CYP4F22: variants seen among roughly 807,000 people sequenced by gnomAD.
CYP4F22 encodes the protein cytochrome P450 family 4 subfamily F member 22, also known as ultra-long-chain fatty acid omega-hydroxylase.
A neutral mutation model predicts 60.4 loss-of-function variants in CYP4F22; 37 were observed. The ratio of observed to expected loss-of-function variants is 0.61; its 90% confidence interval spans 0.47 to 0.81. CYP4F22 has a LOEUF of 0.81. Among genes scored for constraint, CYP4F22 ranks in the 30% least tolerant of loss-of-function variants. The probability of loss-of-function intolerance (pLI) is 0.00; values close to 1 mark genes in which losing one functional copy is unlikely to be tolerated. For synonymous variants in CYP4F22, 258 were observed against 280.5 expected, an observed-to-expected ratio of 0.92 and a Z score of 0.80; for missense variants, 655 against 715.0, an observed-to-expected ratio of 0.92 and a Z score of 0.96.
intron 10 of CYP4F22, among the ~76,000 whole-genome samples, 189 bp downstream of exon 10, chr19:15,544,468 CAA>C: frequency 6.6e-6 from 1 of 152,190 alleles, no homozygotes; most frequent in Non-Finnish European, 1.5e-5. Flanking sequence ...CAGAAGTTCT[CAA>C]AGTGTCCTAG....
At chr19:15,512,459 C>T (rs1052785433) in intron 1 of CYP4F22, among the ~76,000 whole-genome samples, 2 of 152,162 alleles carry the variant, frequency 1.3e-5, no homozygotes, top group African/African-American at 4.8e-5. Context: ...GCATCCACCA[C>T]CATGCCCAGC....
At chr19:15,542,494 G>A (rs140261454) in intron 8 of CYP4F22, among the ~76,000 whole-genome samples, 3 of 152,272 alleles carry the variant, frequency 2.0e-5, no homozygotes, top group East Asian at 1.9e-4. Context: ...CCAAGATTGC[G>A]CCACTGCACT....
At chr19:15,548,661 C>G (rs868826188) in intron 11 of CYP4F22, among the ~76,000 whole-genome samples, 1 of 152,094 alleles carries the variant, frequency 6.6e-6, no homozygotes, top group Non-Finnish European at 1.5e-5. Context: ...AAGGGAGAGA[C>G]AGGGGCTGGA....
intron 10 of CYP4F22, 106 bp from the exon 11 acceptor site, chr19:15,548,002 A>AGCGT: frequency 1.1e-5 from 4 of 364,698 alleles, no homozygotes; most frequent in Non-Finnish European, 1.7e-5. Flanking sequence ...AGAGGGAGAG[A>AGCGT]GTGTGTGTGT....
At position 15,540,489 on chromosome 19, in the gene CYP4F22, C is replaced by T. The variant is rs146904240; in HGVS notation, c.711C>T (p.Ser237=). The T allele has an allele frequency of 7.6e-5, 123 of 1,614,152 alleles. No homozygotes were observed. Among genetic ancestry groups the T allele is most frequent in the Middle Eastern group, 3.3e-4 (2 of 6,062 alleles). Residue 237 remains serine, a synonymous_variant, in exon 8 of 14, where the codon AGC becomes AGT. Coordinates refer to ENST00000269703, the MANE Select transcript of CYP4F22 (RefSeq NM_173483.4). The part of the protein sequence containing the change: ...SDYISAIIEL[S]ALSVRRQYRL... ...ATATCTCCGCTATCATTGAACTGAG[C>T]GCTCTGTCTGTCCGGCGCCAGTATC...
chr19:15,530,818 G>A (rs908020484), intron 4 of CYP4F22, among the ~76,000 whole-genome samples: 4 of 151,972 alleles, frequency 2.6e-5, no homozygotes, highest in African/African-American at 7.3e-5. Context: ...CGGATCCCTC[G>A]CATGACACAT....
In CYP4F22 at chr19:15,518,004, C is replaced by T. The variant is rs568921212; in HGVS notation, c.-108-5689C>T. 4.6e-5 allele frequency among the ~76,000 whole-genome samples: 7 copies of T among 152,180 alleles called. No individual in the cohort carries two copies. The South Asian group carries it at 1.5e-3, about 32-fold the overall frequency. On this transcript the variant is annotated intron_variant, in intron 1 of 13. Coordinates refer to ENST00000269703, the MANE Select transcript of CYP4F22 (RefSeq NM_173483.4). Reference sequence around the variant, plus strand: ...TGGGAGACAGGGCTAGAGGCATCAACAGGGGTAAGCCATGTAGGTTGTTGT... The same window carrying T: ...TGGGAGACAGGGCTAGAGGCATCAATAGGGGTAAGCCATGTAGGTTGTTGT...
In CYP4F22 at chr19:15,521,883, G is replaced by A. The variant is rs993735575; in HGVS notation, c.-108-1810G>A. 1.1e-4 allele frequency among the ~76,000 whole-genome samples: 17 copies of A among 151,698 alleles called. No individual in the cohort carries two copies. In the East Asian group the frequency reaches 1.4e-3, roughly 12 times the overall value. ...CCAGTGGCCGGGCGTGGTGGCTCAC[G>A]CCTGTAATCCTAGCACTTTGGGAGG... On this transcript the variant is annotated intron_variant, in intron 1 of 13. Coordinates refer to ENST00000269703, the MANE Select transcript of CYP4F22 (RefSeq NM_173483.4).
intron 6 of CYP4F22, 58 bp downstream of exon 6, chr19:15,537,720 C>T (rs1477304269): frequency 1.2e-6 from 2 of 1,607,196 alleles, no homozygotes; most frequent in Non-Finnish European, 8.5e-7. Flanking sequence ...GGTCCAGGCT[C>T]CAACTCATGC....
intron 12 of CYP4F22, among the ~76,000 whole-genome samples, chr19:15,549,991 C>T (rs1484982360): frequency 1.3e-5 from 2 of 151,994 alleles, no homozygotes; most frequent in South Asian, 2.1e-4. Flanking sequence ...TGCAGTGGTG[C>T]GATCTTGGCT....
chr19:15,535,316 C>T (rs2144525076), intron 4 of CYP4F22, among the ~76,000 whole-genome samples: 1 of 152,326 alleles, frequency 6.6e-6, no homozygotes, highest in Admixed American at 6.5e-5. Context: ...ATCTGTGGGT[C>T]CCCAGCATCA....
rs368096029 is a variant in CYP4F22 at position 15,511,185 on chromosome 19, C to T, written c.-109+2602C>T. 9.9e-4 allele frequency among the ~76,000 whole-genome samples: 150 copies of T among 151,308 alleles called. 1 individual carries two copies. Among genetic ancestry groups the T allele is most frequent in the African/African-American group, 3.3e-3 (137 of 41,168 alleles). On this transcript the variant is annotated intron_variant, in intron 1 of 13. Transcript: ENST00000269703. ...TTCTCCATGTTGGTCAGGCTGGTCT[C>T]GAACTCCCGACCTCAGGTGATCCTC...
At chr19:15,546,827 C>T (rs1048807759) in intron 10 of CYP4F22, among the ~76,000 whole-genome samples, 1 of 151,730 alleles carries the variant, frequency 6.6e-6, no homozygotes, top group Non-Finnish European at 1.5e-5. Flanking sequence ...TAGCTCACTA[C>T]AGCCTCCTGA....
chr19:15,529,346 C>G (rs917971908), intron 3 of CYP4F22, among the ~76,000 whole-genome samples: 1 of 151,976 alleles, frequency 6.6e-6, no homozygotes, highest in African/African-American at 2.4e-5. Context: ...CCAGCCTGGT[C>G]TCGAACTCCT....
chr19:15,550,676 G>T lies in CYP4F22; in HGVS notation c.1338G>T (p.Val446=), dbSNP rs924591315. The T allele has an allele frequency of 1.2e-6, 2 of 1,614,056 alleles. No homozygotes were observed. Among genetic ancestry groups the T allele is most frequent in the Non-Finnish European group, 1.7e-6 (2 of 1,180,022 alleles). ...ATCTCCAGGCTGTTCCTCCCTAGGTGTACAACCCCTACCGCTTTGACCCGG... is the reference window on the plus strand; with the variant it reads ...ATCTCCAGGCTGTTCCTCCCTAGGTTTACAACCCCTACCGCTTTGACCCGG... ...HNPTVWPDSK[V]YNPYRFDPDN... is the part of the protein sequence containing the mutation. The change falls in exon 13 of 14, where the codon GTG becomes GTT. Residue 446 remains valine (V), a splice_region_variant and synonymous_variant. Transcript: ENST00000269703.
Position 15,548,139 on chromosome 19 carries a change from A to G in CYP4F22, c.1168A>G (p.Met390Val). The G allele has an allele frequency of 1.9e-6, 3 of 1,613,590 alleles. No homozygotes were observed. The highest frequency in any genetic ancestry group is 2.5e-6 in the Non-Finnish European group (3 of 1,179,962). The change falls in exon 11 of 14, where the codon ATG becomes GTG. Residue 390 changes from methionine (M) to valine (V), a missense_variant. Transcript: ENST00000269703. ...TCTGACTCAGCTGCCCTTTACAACT[A>G]TGTGCATTAAGGAGAGCCTGCGCCA... ...DDLTQLPFTT[M>V]CIKESLRQYP...
chr19:15,533,588 A>G (rs1347700258), intron 4 of CYP4F22, among the ~76,000 whole-genome samples: 1 of 115,980 alleles, frequency 8.6e-6, no homozygotes, highest in East Asian at 2.3e-4. Flanking sequence ...AATCAGTTTC[A>G]TTCTTTTTTT....
At chr19:15,547,017 A>ATT in intron 10 of CYP4F22, among the ~76,000 whole-genome samples, 1 of 36,256 alleles carries the variant, frequency 2.8e-5, no homozygotes, top group Non-Finnish European at 5.1e-5. Flanking sequence ...GGCCTGCACC[A>ATT]GTTTTTTTTT....
At chr19:15,517,754 T>C (rs1012781173) in intron 1 of CYP4F22, among the ~76,000 whole-genome samples, 5 of 152,136 alleles carry the variant, frequency 3.3e-5, no homozygotes, top group African/African-American at 1.2e-4. Flanking sequence ...CACTCAATGA[T>C]TCTTTGGAGA....
Sources: gnomAD v4.1 joint callset for allele counts (sites outside exome capture counted in the v4.1 genomes callset) on GRCh38, gnomAD v4.1.1 for gene constraint, MANE v1.5 for transcripts, NCBI Gene and HGNC (gene_info 2026-07-23, HGNC 2026-07-21) for gene names.